The following PDE8A variants were observed in gnomAD, a reference collection of about 807,000 sequenced individuals.
The protein encoded by PDE8A is high affinity cAMP-specific and IBMX-insensitive 3',5'-cyclic phosphodiesterase 8A.
A neutral mutation model predicts 105.0 loss-of-function variants in PDE8A; 59 were observed. That is an observed-to-expected ratio of 0.56 (90% CI 0.46 to 0.70). PDE8A has a LOEUF of 0.70. PDE8A is among the 30% of genes least tolerant of loss of function. The pLI, the probability that PDE8A is intolerant of heterozygous loss-of-function variation, is 0.00. For synonymous variants in PDE8A, 355 were observed against 371.9 expected (o/e 0.95, Z 0.52); for missense variants, 1,014 against 1,045.9 (o/e 0.97, Z 0.42).
chr15:85,056,103 A>C (rs1057468935), intron 1 of PDE8A, among the ~76,000 whole-genome samples: 3 of 152,004 alleles, frequency 2.0e-5, no homozygotes, highest in Non-Finnish European at 4.4e-5. Context: ...TCTGGGTTGA[A>C]AATTCTTTTC....
chr15:84,987,728 C>T (rs764053547), intron 1 of PDE8A, among the ~76,000 whole-genome samples: 7 of 151,840 alleles, frequency 4.6e-5, no homozygotes, highest in Non-Finnish European at 7.4e-5. Context: ...CTGCCCACCT[C>T]GGCCTCCCAG....
At chr15:85,074,234 C>T (rs2081351630) in intron 3 of PDE8A, among the ~76,000 whole-genome samples, 1 of 152,220 alleles carries the variant, frequency 6.6e-6, no homozygotes, top group Non-Finnish European at 1.5e-5. Context: ...CGAATCCCTA[C>T]AGGCAAGAAT....
chr15:84,995,570 C>G (rs2079963288), intron 1 of PDE8A, among the ~76,000 whole-genome samples: 1 of 152,158 alleles, frequency 6.6e-6, no homozygotes, highest in Non-Finnish European at 1.5e-5. Flanking sequence ...GTCCTCCTGC[C>G]TCAGCTTCCC....
At chr15:85,115,400 T>A in intron 14 of PDE8A, 39 bp from the exon 15 acceptor site, 1 of 1,375,116 alleles carries the variant, frequency 7.3e-7, no homozygotes, top group Non-Finnish European at 1.0e-6. Flanking sequence ...AAAGAATAGT[T>A]GTGACTTTTC....
intron 1 of PDE8A, among the ~76,000 whole-genome samples, chr15:85,008,167 G>C (rs2080178792): frequency 6.6e-6 from 1 of 151,848 alleles, no homozygotes; most frequent in Admixed American, 6.6e-5. Context: ...CTCTAATAGG[G>C]AGTGGTCTGG....
rs563327019 is a variant in PDE8A, at chr15:84,987,088, A to G, written c.186+4740A>G. ...AAATGAGACCAAACTTTCTGCTGCCATAGTAAGTGACTACAGTTTATCTCT... is the reference window on the plus strand; with the variant it reads ...AAATGAGACCAAACTTTCTGCTGCCGTAGTAAGTGACTACAGTTTATCTCT... On this transcript the variant is annotated intron_variant, in intron 1 of 21. Transcript: ENST00000394553. Among the ~76,000 whole-genome samples, 154 of 152,324 alleles carry G rather than the reference A, an allele frequency of 1.0e-3. 1 individual carries two copies. The highest frequency in any genetic ancestry group is 3.6e-3 in the African/African-American group (148 of 41,554).
At chr15:84,984,644 G>A (rs2079772840) in intron 1 of PDE8A, among the ~76,000 whole-genome samples, 1 of 152,130 alleles carries the variant, frequency 6.6e-6, no homozygotes, top group African/African-American at 2.4e-5. Context: ...GCATTTTTAG[G>A]TTAAGCAGTA....
chr15:85,098,509 A>G (rs1403877449), intron 9 of PDE8A, among the ~76,000 whole-genome samples: 2 of 152,222 alleles, frequency 1.3e-5, no homozygotes, highest in Non-Finnish European at 2.9e-5. Flanking sequence ...TCAGGAGCCT[A>G]AAACTTTCAG....
rs114671773 is a variant in PDE8A, at chr15:85,048,181, G to A, written c.187-16189G>A. ...TAATATTTTTAAGTTTTCTAAGGAG[G>A]CAGGATTTTTTGTTGTCGCTTAAAC... On this transcript the variant is annotated intron_variant, in intron 1 of 21. Coordinates refer to ENST00000394553, the MANE Select transcript of PDE8A (RefSeq NM_002605.3). Among the ~76,000 whole-genome samples, 1,207 of 152,100 alleles carry A rather than the reference G, an allele frequency of 7.9e-3. 19 individuals are homozygous for A. The highest frequency in any genetic ancestry group is 0.027 in the African/African-American group (1,139 of 41,520).
At chr15:85,020,280 C>T (rs1471259286) in intron 1 of PDE8A, among the ~76,000 whole-genome samples, 3 of 152,050 alleles carry the variant, frequency 2.0e-5, no homozygotes, top group Non-Finnish European at 4.4e-5. Context: ...GCGAGTTTTT[C>T]CTCATACTTC....
At chr15:85,073,778 G>A (rs2081345216) in intron 3 of PDE8A, among the ~76,000 whole-genome samples, 1 of 152,214 alleles carries the variant, frequency 6.6e-6, no homozygotes, top group African/African-American at 2.4e-5. Flanking sequence ...TAGTCAGCAG[G>A]TGTGATGAGT....
chr15:85,128,558 T>G (rs1442684760), intron 20 of PDE8A, among the ~76,000 whole-genome samples: 1 of 152,084 alleles, frequency 6.6e-6, no homozygotes, highest in Non-Finnish European at 1.5e-5. Flanking sequence ...TCTTCAAAAT[T>G]TACAAAGTTT....
intron 19 of PDE8A, among the ~76,000 whole-genome samples, chr15:85,124,795 C>T (rs2082234428): frequency 6.6e-6 from 1 of 152,202 alleles, no homozygotes; most frequent in South Asian, 2.1e-4. Context: ...CACCTGGCCA[C>T]CACTCCTGGC....
chr15:85,050,318 A>C (rs902764864), intron 1 of PDE8A, among the ~76,000 whole-genome samples: 1 of 152,112 alleles, frequency 6.6e-6, no homozygotes, highest in Non-Finnish European at 1.5e-5. Flanking sequence ...TAAAATTTTG[A>C]TGAAGTTTAA....
intron 16 of PDE8A, among the ~76,000 whole-genome samples, chr15:85,116,522 G>A (rs554484928): frequency 6.6e-6 from 1 of 152,336 alleles, no homozygotes; most frequent in East Asian, 1.9e-4. Flanking sequence ...TTGGTGATAG[G>A]CATAGGGACA....
At chr15:84,993,292 A>T (rs1413622523) in intron 1 of PDE8A, among the ~76,000 whole-genome samples, 1 of 151,922 alleles carries the variant, frequency 6.6e-6, no homozygotes, top group Non-Finnish European at 1.5e-5. Flanking sequence ...AAATACAAAA[A>T]ATTAGCCGGG....
intron 1 of PDE8A, among the ~76,000 whole-genome samples, chr15:84,985,883 G>A (rs1474493450): frequency 6.6e-6 from 1 of 152,134 alleles, no homozygotes; most frequent in Admixed American, 6.5e-5. Flanking sequence ...TGTACCCAGG[G>A]AATAATATAT....
intron 3 of PDE8A, among the ~76,000 whole-genome samples, chr15:85,069,859 T>C (rs1336400533): frequency 1.3e-5 from 2 of 152,012 alleles, no homozygotes; most frequent in Non-Finnish European, 2.9e-5. Flanking sequence ...GGTGAGGATT[T>C]GGGGTAGGGA....
At chr15:84,988,119 G>T (rs1351123406) in intron 1 of PDE8A, among the ~76,000 whole-genome samples, 1 of 152,192 alleles carries the variant, frequency 6.6e-6, no homozygotes, top group African/African-American at 2.4e-5. Flanking sequence ...TTTCAACCCT[G>T]TGAGGTGGCA....
Sources: allele counts gnomAD v4.1 joint callset (sites outside exome capture counted in the v4.1 genomes callset), GRCh38; gene constraint gnomAD v4.1.1; transcripts MANE v1.5; gene names NCBI Gene and HGNC (gene_info 2026-07-23, HGNC 2026-07-21).